CCDC187: variants seen among roughly 807,000 people sequenced by gnomAD.
The protein encoded by CCDC187 is coiled-coil domain containing 187, also known as coiled-coil domain-containing protein 187.
A neutral mutation model predicts 38.0 loss-of-function variants in CCDC187; 32 were observed. The observed-to-expected ratio is 0.84, with a 90% CI of 0.64 to 1.13. CCDC187 has a LOEUF of 1.13. Among genes scored for constraint, CCDC187 ranks in the 50% most tolerant of loss-of-function variants. The pLI, the probability that CCDC187 is intolerant of heterozygous loss-of-function variation, is 0.00. For missense variants in CCDC187, 707 were observed against 786.8 expected (o/e 0.90, Z 1.21); for synonymous variants, 333 against 347.9 (o/e 0.96, Z 0.48).
chr9:136,284,520 G>A (rs2131268788), intron 9 of CCDC187, among the ~76,000 whole-genome samples: 1 of 152,266 alleles, frequency 6.6e-6, no homozygotes, highest in African/African-American at 2.4e-5. Flanking sequence ...CTCATCCAGG[G>A]TGCTTCCGTC....
Position 136,258,655 on chromosome 9 carries a change from G to T in CCDC187, c.4366+277C>A. 3.1e-6 allele frequency: 3 copies of T among 973,822 alleles called. No homozygotes were observed. The highest frequency in any genetic ancestry group is 3.7e-6 in the Non-Finnish European group (3 of 819,294). 60.3% of individuals were successfully genotyped at this position (973,822 alleles called of 1,614,324 possible). On this transcript the variant is annotated intron_variant, in intron 22 of 25. Coordinates refer to ENST00000638797, the MANE Select transcript of CCDC187 (RefSeq NM_001378188.1). The surrounding 1 kb of genome is among the most constrained non-coding windows in gnomAD (Gnocchi z 4.3). ...CTGGCTTCCAAACACTTAAAAATCT[G>T]CCCCAGATGAACGAAGTTGCGACTA...
intron 9 of CCDC187, among the ~76,000 whole-genome samples, chr9:136,284,070 A>G (rs1831112771): frequency 6.6e-6 from 1 of 151,868 alleles, no homozygotes; most frequent in South Asian, 2.1e-4. Context: ...GGGGTTTCCT[A>G]GGAAGGATGG....
intron 15 of CCDC187, chr9:136,267,755 C>G (rs1830772497): frequency 2.2e-6 from 2 of 897,424 alleles, no homozygotes; most frequent in African/African-American, 3.6e-5. Context: ...CACCACCAGC[C>G]CTGATCCAGG....
intron 4 of CCDC187, among the ~76,000 whole-genome samples, chr9:136,294,110 T>G (rs1326380094): frequency 1.9e-5 from 1 of 52,196 alleles, no homozygotes; most frequent in African/African-American, 7.8e-5. Flanking sequence ...GTGCTCACAC[T>G]CACACACTCT....
chr9:136,286,392 G>T lies in CCDC187; in HGVS notation c.2526C>A (p.Thr842=), dbSNP rs1478507597. 2 of 398,562 alleles carry T rather than the reference G, an allele frequency of 5.0e-6. No individual in the cohort carries two copies. The highest frequency in any genetic ancestry group is 4.4e-6 in the Non-Finnish European group (1 of 226,088). The allele number at this position is 398,562 out of a possible 1,614,324, so 24.7% of individuals were successfully genotyped here. A position where few individuals can be genotyped will look rare whatever the true frequency, so the allele number is the denominator to read the frequency against. The change falls in exon 8 of 26, where the codon ACC becomes ACA. Residue 842 remains threonine, a synonymous_variant. Transcript: ENST00000638797. ...KVLKQRVDSL[T]AKLQGAEALD... ...GCGCTTCGGCACCCTGCAGCTTGGC[G>T]GTGAGGCTATCGACCCGCTGCTTGA...
At chr9:136,293,403 A>AC (rs1831415338) in intron 4 of CCDC187, among the ~76,000 whole-genome samples, 1 of 78,154 alleles carries the variant, frequency 1.3e-5, no homozygotes, top group Non-Finnish European at 2.7e-5. Context: ...ACACACTCAC[A>AC]AACACTCACA....
At chr9:136,300,178 T>C (rs1831642049) in intron 3 of CCDC187, 42 bp downstream of exon 3, 4 of 398,384 alleles carry the variant, frequency 1.0e-5, no homozygotes, top group Non-Finnish European at 1.8e-5. Context: ...GGCCTGAGCA[T>C]CCAACCCGGA....
chr9:136,294,221 C>T (rs1423188082), intron 4 of CCDC187, among the ~76,000 whole-genome samples: 2 of 151,794 alleles, frequency 1.3e-5, no homozygotes, highest in African/African-American at 4.8e-5. Context: ...CTCACACGCT[C>T]ATATACACAC....
rs1830625666 is a variant in CCDC187 at position 136,257,375 on chromosome 9, T to TAA, written c.4367-535_4367-534insTT. On this transcript the variant is annotated intron_variant, in intron 22 of 25. Transcript: ENST00000638797. The surrounding 1 kb of genome is among the most constrained non-coding windows in gnomAD (Gnocchi z 4.5). The stretch of plus-strand genomic sequence containing the variant: ...GAGAGAGTGAGACTTTGTCTCAAAA[T>TAA]TATAATAATAATAATAATAATAATA... 1.0e-5 allele frequency among the ~76,000 whole-genome samples: 1 copy of TAA among 96,066 alleles called. No individual in the cohort carries two copies. The highest frequency in any genetic ancestry group is 2.4e-5 in the Non-Finnish European group (1 of 41,762). 63.0% of individuals were successfully genotyped at this position (96,066 alleles called of 152,430 possible). A position where few individuals can be genotyped will look rare whatever the true frequency, so the allele number is the denominator to read the frequency against.
At chr9:136,293,229 TCACACG>T (rs1283065345) in intron 4 of CCDC187, among the ~76,000 whole-genome samples, 1 of 91,492 alleles carries the variant, frequency 1.1e-5, no homozygotes, top group Admixed American at 1.1e-4. Context: ...ACACTCACAC[TCACACG>T]CTCACACTCA....
rs907411065 is a variant in CCDC187 at position 136,282,139 on chromosome 9, C to T, written c.2928-476G>A. ...CTCTACCATCTACTAAGGGCACTGC[C>T]CACCAGGCCCAGAGCGGAACGGGGT... is the stretch of plus-strand genomic sequence containing the variant. On this transcript the variant is annotated intron_variant, in intron 9 of 25. Coordinates refer to ENST00000638797, the MANE Select transcript of CCDC187 (RefSeq NM_001378188.1). Among the ~76,000 whole-genome samples the T allele has an allele frequency of 2.2e-3, 332 of 152,336 alleles. 14 individuals are homozygous for T. In the East Asian group the frequency reaches 0.062, roughly 28 times the overall value.
intron 12 of CCDC187, among the ~76,000 whole-genome samples, chr9:136,275,672 C>T (rs1021544480): frequency 3.5e-4 from 53 of 152,330 alleles, no homozygotes; most frequent in Admixed American, 2.2e-3. Context: ...CCAGGGTCAC[C>T]GCTCCTCGGA....
intron 1 of CCDC187, 116 bp downstream of exon 1, chr9:136,303,572 C>T (rs1831742356): frequency 1.2e-5 from 2 of 161,574 alleles, no homozygotes; most frequent in Non-Finnish European, 2.7e-5. Flanking sequence ...CGTGCAGAGG[C>T]AGGCACGTCA....
Position 136,281,624 on chromosome 9 carries a change from G to GC in CCDC187, c.2966dup (p.Ser990LeufsTer164), listed in dbSNP as rs2131249430. On this transcript the variant is annotated frameshift_variant, in exon 10 of 26. Coordinates refer to ENST00000638797, the MANE Select transcript of CCDC187 (RefSeq NM_001378188.1). LOFTEE classifies it high-confidence loss of function. ...ACGGCGTCTCCTCCAGTCCCAGGGA[G>GC]CCCCAGATAGGGTGCAGCGTGGCTG... 1 of 398,672 alleles carries GC rather than the reference G, an allele frequency of 2.5e-6. No individual in the cohort carries two copies. The highest frequency in any genetic ancestry group is 1.3e-4 in the South Asian group (1 of 7,870). 24.7% of individuals were successfully genotyped at this position (398,672 alleles called of 1,614,324 possible). A position where few individuals can be genotyped will look rare whatever the true frequency, so the allele number is the denominator to read the frequency against.
At chr9:136,286,854 AACAGACCAC>A (rs1831194575) in intron 7 of CCDC187, among the ~76,000 whole-genome samples, 159 bp from the exon 8 acceptor site, 1 of 152,230 alleles carries the variant, frequency 6.6e-6, no homozygotes, top group Non-Finnish European at 1.5e-5. Flanking sequence ...GTATCCACAC[AACAGACCAC>A]ACAGCTGCCG....
intron 12 of CCDC187, among the ~76,000 whole-genome samples, chr9:136,275,389 C>T (rs1057065349): frequency 6.6e-6 from 1 of 152,090 alleles, no homozygotes; most frequent in Non-Finnish European, 1.5e-5. Flanking sequence ...GGCAGGGACA[C>T]AGGGCAGGGT....
Position 136,253,485 on chromosome 9 carries a change from G to A in CCDC187, c.*109C>T, listed in dbSNP as rs1178975433. On this transcript the variant is annotated 3_prime_UTR_variant, in exon 26 of 26. Coordinates refer to ENST00000638797, the MANE Select transcript of CCDC187 (RefSeq NM_001378188.1). ...GACGAGTGCCCTGGCCAGCTGACAG[G>A]TTCAGGCCACTGGCTGCCTCCGGCC... 1 of 568,232 alleles carries A rather than the reference G, an allele frequency of 1.8e-6. No homozygotes were observed. The allele number at this position is 568,232 out of a possible 1,614,324, so 35.2% of individuals were successfully genotyped here. A position where few individuals can be genotyped will look rare whatever the true frequency, so the allele number is the denominator to read the frequency against.
In CCDC187 at chr9:136,258,612, GAA is replaced by G; in HGVS notation, c.4366+318_4366+319del. On this transcript the variant is annotated intron_variant, in intron 22 of 25. Transcript: ENST00000638797. The surrounding 1 kb of genome is among the most constrained non-coding windows in gnomAD (Gnocchi z 4.3). ...ATCGGTGCAGAAACCTCCGTCAGCT[GAA>G]GACGCTCAGGCAGTGCTGGCTTCCA... is the stretch of plus-strand genomic sequence containing the variant. 1 of 791,718 alleles carries G rather than the reference GAA, an allele frequency of 1.3e-6. No homozygotes were observed. Among genetic ancestry groups the G allele is most frequent in the Non-Finnish European group, 1.5e-6 (1 of 653,098 alleles). The allele number at this position is 791,718 out of a possible 1,614,324, so 49.0% of individuals were successfully genotyped here.
At position 136,256,317 on chromosome 9, in the gene CCDC187, C is replaced by T; in HGVS notation, c.4510G>A (p.Ala1504Thr). 1.4e-5 allele frequency: 14 copies of T among 985,366 alleles called. No homozygotes were observed. Among genetic ancestry groups the T allele is most frequent in the Non-Finnish European group, 1.7e-5 (14 of 829,842 alleles). 61.0% of individuals were successfully genotyped at this position (985,366 alleles called of 1,614,324 possible). The change falls in exon 24 of 26, where the codon GCT becomes ACT. Residue 1504 changes from alanine to threonine, a missense_variant. Coordinates refer to ENST00000638797, the MANE Select transcript of CCDC187 (RefSeq NM_001378188.1). ...PCGPQEASQV[A>T]EDSMSEEGLE... ...CCCTCTTCGCTCATGCTGTCCTCAG[C>T]CACCTGCTGGAGAGACGTTGCAGAA...
Sources: gnomAD v4.1 joint callset for allele counts (sites outside exome capture counted in the v4.1 genomes callset) on GRCh38, gnomAD v4.1.1 for gene constraint, Gnocchi (gnomAD v3.1) non-coding constraint, MANE v1.5 for transcripts, NCBI Gene and HGNC (gene_info 2026-07-23, HGNC 2026-07-21) for gene names.